Variants in MAP3K5 observed in about 807,000 individuals in gnomAD.
MAP3K5 encodes mitogen-activated protein kinase kinase kinase 5.
MAP3K5 carries 56 observed loss-of-function variants against 158.7 expected under a neutral mutation model. That is an observed-to-expected ratio of 0.35 (90% CI 0.28 to 0.44). MAP3K5 has a LOEUF of 0.44. MAP3K5 is among the 20% of genes least tolerant of loss of function. The pLI is 1.00. For synonymous variants in MAP3K5, 579 were observed against 601.7 expected (o/e 0.96, Z 0.55); for missense variants, 1,294 against 1,674.8 (o/e 0.77, Z 3.97).
At chr6:136,583,016 A>G (rs572641579) in intron 24 of MAP3K5, among the ~76,000 whole-genome samples, 1 of 152,360 alleles carries the variant, frequency 6.6e-6, no homozygotes, top group African/African-American at 2.4e-5. Flanking sequence ...ATTTTTAATC[A>G]GTGATGCTCT....
At chr6:136,661,567 T>G (rs770361135) in intron 8 of MAP3K5, among the ~76,000 whole-genome samples, 1 of 152,056 alleles carries the variant, frequency 6.6e-6, no homozygotes, top group Non-Finnish European at 1.5e-5. Context: ...AGCTAAATTT[T>G]GTTTTTTTTT....
chr6:136,766,413 A>G (rs1280031648), intron 1 of MAP3K5, among the ~76,000 whole-genome samples: 1 of 152,242 alleles, frequency 6.6e-6, no homozygotes, highest in Non-Finnish European at 1.5e-5. Flanking sequence ...TGCCAGTTCT[A>G]CAAATTCATA....
chr6:136,645,039 C>A (rs1778181066), intron 11 of MAP3K5, among the ~76,000 whole-genome samples: 1 of 152,140 alleles, frequency 6.6e-6, no homozygotes, highest in African/African-American at 2.4e-5. Context: ...AGCAATCCTC[C>A]CGCCTCAGCC....
At chr6:136,634,142 T>A (rs1428484773) in intron 14 of MAP3K5, among the ~76,000 whole-genome samples, 1 of 152,234 alleles carries the variant, frequency 6.6e-6, no homozygotes, top group Admixed American at 6.5e-5. Flanking sequence ...ATATGCAGGA[T>A]GCTGATAAAA....
intron 1 of MAP3K5, among the ~76,000 whole-genome samples, chr6:136,730,721 C>CAAAAA (rs377188561): frequency 4.2e-4 from 37 of 87,350 alleles, no homozygotes; most frequent in African/African-American, 2.1e-3. Context: ...AACTCTGCCT[C>CAAAAA]AAAAAAAAAA....
chr6:136,668,558 G>A (rs752935137), intron 8 of MAP3K5, among the ~76,000 whole-genome samples: 5 of 152,050 alleles, frequency 3.3e-5, no homozygotes, highest in Admixed American at 1.3e-4. Context: ...GACACCCAAC[G>A]GAGCAAAATA....
At chr6:136,695,162 G>C (rs935595367) in intron 6 of MAP3K5, among the ~76,000 whole-genome samples, 1 of 152,146 alleles carries the variant, frequency 6.6e-6, no homozygotes, top group Non-Finnish European at 1.5e-5. Context: ...TTTGGAGACA[G>C]AGTCTTGCTC....
At chr6:136,735,148 T>C (rs186838843) in intron 1 of MAP3K5, among the ~76,000 whole-genome samples, 60 of 152,372 alleles carry the variant, frequency 3.9e-4, no homozygotes, top group Non-Finnish European at 2.6e-4. Flanking sequence ...TTTCTCACTC[T>C]GGCTAGGGAA....
At chr6:136,714,129 T>A (rs1781425257) in intron 2 of MAP3K5, among the ~76,000 whole-genome samples, 1 of 152,148 alleles carries the variant, frequency 6.6e-6, no homozygotes, top group African/African-American at 2.4e-5. Flanking sequence ...GAGGCAAAAC[T>A]TTAACAAAAG....
At chr6:136,592,706 C>T in intron 21 of MAP3K5, 92 bp from the exon 22 acceptor site, 1 of 1,080,196 alleles carries the variant, frequency 9.3e-7, no homozygotes, top group Non-Finnish European at 1.4e-6. Flanking sequence ...TATTCTTTGT[C>T]AAATATCTTG....
intron 26 of MAP3K5, among the ~76,000 whole-genome samples, chr6:136,566,920 T>TA (rs1156464153): frequency 3.3e-5 from 5 of 152,186 alleles, no homozygotes; most frequent in South Asian, 2.1e-4. Flanking sequence ...TTGATTCGCT[T>TA]AAAAAAAAGT....
At chr6:136,587,242 A>G (rs1261558466) in intron 23 of MAP3K5, among the ~76,000 whole-genome samples, 2 of 152,228 alleles carry the variant, frequency 1.3e-5, no homozygotes, top group Non-Finnish European at 2.9e-5. Context: ...AGGCTTAAAT[A>G]TAGATACAAA....
At chr6:136,710,514 G>A (rs779183689) in intron 2 of MAP3K5, among the ~76,000 whole-genome samples, 21 of 152,048 alleles carry the variant, frequency 1.4e-4, no homozygotes, top group Admixed American at 6.6e-5. Flanking sequence ...CTAGTCCAAG[G>A]CTCATTTGAA....
At chr6:136,644,828 C>T (rs923529860) in intron 11 of MAP3K5, among the ~76,000 whole-genome samples, 1 of 152,184 alleles carries the variant, frequency 6.6e-6, no homozygotes, top group Non-Finnish European at 1.5e-5. Flanking sequence ...GGGATGCCGC[C>T]TGTGTGAGGT....
At chr6:136,686,872 T>A (rs921894911) in intron 7 of MAP3K5, among the ~76,000 whole-genome samples, 5 of 152,024 alleles carry the variant, frequency 3.3e-5, no homozygotes, top group Non-Finnish European at 7.4e-5. Context: ...AGATTCAATA[T>A]TATCCCCATT....
At chr6:136,715,899 G>A (rs905627592) in intron 2 of MAP3K5, among the ~76,000 whole-genome samples, 13 of 151,184 alleles carry the variant, frequency 8.6e-5, no homozygotes, top group Non-Finnish European at 1.8e-4. Context: ...GCGTGGTGGC[G>A]GGAGCCTGTA....
intron 23 of MAP3K5, among the ~76,000 whole-genome samples, chr6:136,585,245 T>C (rs1258248286): frequency 6.6e-6 from 1 of 151,104 alleles, no homozygotes; most frequent in Non-Finnish European, 1.5e-5. Flanking sequence ...CCTGAGTAGC[T>C]AGGGACTATA....
chr6:136,720,740 C>T, intron 1 of MAP3K5, 151 bp from the exon 2 acceptor site: 2 of 633,416 alleles, frequency 3.2e-6, no homozygotes, highest in Admixed American at 6.5e-5. Context: ...TTTGAATTTG[C>T]AGCTCTACCT....
intron 7 of MAP3K5, among the ~76,000 whole-genome samples, chr6:136,679,927 A>G (rs1255494301): frequency 6.6e-6 from 1 of 152,194 alleles, no homozygotes; most frequent in African/African-American, 2.4e-5. Flanking sequence ...ATGAATGGAT[A>G]AACAAAATGT....
Sources: allele counts gnomAD v4.1 joint callset (sites outside exome capture counted in the v4.1 genomes callset), GRCh38; gene constraint gnomAD v4.1.1; transcripts MANE v1.5; gene names NCBI Gene and HGNC (gene_info 2026-07-23, HGNC 2026-07-21).